Variants in SLC2A1 observed in about 807,000 individuals in gnomAD.
SLC2A1 encodes solute carrier family 2 member 1.
Under a neutral mutation model 46.6 loss-of-function variants are expected in SLC2A1, and 4 were observed. The observed-to-expected ratio is 0.09, with a 90% CI of 0.04 to 0.20. The LOEUF (loss-of-function observed/expected upper bound fraction) is 0.20. Ranked by LOEUF, SLC2A1 falls within the 10% of genes least tolerant of loss-of-function variation. SLC2A1 has a pLI of 1.00. For missense variants in SLC2A1, 352 were observed against 667.0 expected, an observed-to-expected ratio of 0.53 and a Z score of 5.20; for synonymous variants, 253 against 270.0, an observed-to-expected ratio of 0.94 and a Z score of 0.62.
intron 1 of SLC2A1, among the ~76,000 whole-genome samples, chr1:42,955,025 G>T (rs1643758775): frequency 6.6e-6 from 1 of 152,206 alleles, no homozygotes; most frequent in Admixed American, 6.5e-5. Context: ...CTACTAGGAA[G>T]AATGGGTTAG....
Position 42,958,191 on chromosome 1 carries a change from G to C in SLC2A1, c.18+443C>G, listed in dbSNP as rs1196669638. On this transcript the variant is annotated intron_variant, in intron 1 of 9. Coordinates refer to ENST00000426263, the MANE Select transcript of SLC2A1 (RefSeq NM_006516.4). ...GCTCCTGACTCCTCCGCGCGCCGGG[G>C]CCGGGGCCGGGCCGGGGGCTCGGCC... is the stretch of plus-strand genomic sequence containing the variant. Among the ~76,000 whole-genome samples, 3 of 151,828 alleles carry C rather than the reference G, an allele frequency of 2.0e-5. No individual in the cohort carries two copies. In the East Asian group the frequency reaches 5.8e-4, roughly 29 times the overall value.
Position 42,927,878 on chromosome 1 carries a change from T to C in SLC2A1, c.1075-70A>G. On this transcript the variant is annotated intron_variant, in intron 8 of 9. Transcript: ENST00000426263. The surrounding 1 kb of genome is among the most constrained non-coding windows in gnomAD (Gnocchi z 5.3). ...ATGGATCCTCAGGGGAAACAGAAGC[T>C]ACAGAGGCCAGAGCAGAGCTATGCG... is the stretch of plus-strand genomic sequence containing the variant. 1.7e-6 allele frequency: 2 copies of C among 1,203,724 alleles called. No individual in the cohort carries two copies. Among genetic ancestry groups the C allele is most frequent in the Non-Finnish European group, 2.4e-6 (2 of 832,250 alleles). 74.6% of individuals were successfully genotyped at this position (1,203,724 alleles called of 1,614,324 possible). A position where few individuals can be genotyped will look rare whatever the true frequency, so the allele number is the denominator to read the frequency against.
chr1:42,929,538 A>C lies in SLC2A1; in HGVS notation c.867+55T>G, dbSNP rs1643464662. ...CAAGTTTGGGACTTGTTCACCATGC[A>C]CACTTGACCAGAGGGCTTGGCTGGG... On this transcript the variant is annotated intron_variant, in intron 6 of 9. Transcript: ENST00000426263. The surrounding 1 kb of genome is among the most constrained non-coding windows in gnomAD (Gnocchi z 6.0). 1.3e-6 allele frequency: 2 copies of C among 1,525,058 alleles called. No homozygotes were observed. The highest frequency in any genetic ancestry group is 1.7e-5 in the Admixed American group (1 of 59,356). 94.5% of individuals were successfully genotyped at this position (1,525,058 alleles called of 1,614,324 possible).
At chr1:42,935,157 A>AG (rs1178187709) in intron 2 of SLC2A1, among the ~76,000 whole-genome samples, 1 of 152,090 alleles carries the variant, frequency 6.6e-6, no homozygotes, top group Non-Finnish European at 1.5e-5. Context: ...CCTAGAGCTG[A>AG]GGGGCTACTA....
chr1:42,946,675 A>G (rs2086857), intron 1 of SLC2A1, among the ~76,000 whole-genome samples: 77,144 of 151,950 alleles, frequency 0.51, 23,026 homozygotes, highest in Non-Finnish European at 0.68. Context: ...ATGTGCAAGG[A>G]GAAGAAATGG....
chr1:42,937,919 T>G (rs151324624), intron 2 of SLC2A1, among the ~76,000 whole-genome samples: 166 of 152,344 alleles, frequency 1.1e-3, no homozygotes, highest in Non-Finnish European at 1.5e-3. Context: ...CTCACCAAGC[T>G]GGGTCATCCT....
At chr1:42,942,267 T>C (rs909791521) in intron 2 of SLC2A1, among the ~76,000 whole-genome samples, 14 of 152,234 alleles carry the variant, frequency 9.2e-5, no homozygotes, top group African/African-American at 3.4e-4. Flanking sequence ...CTTTGTGACC[T>C]TGGGCCTGTC....
intron 2 of SLC2A1, among the ~76,000 whole-genome samples, chr1:42,938,899 G>A (rs990744601): frequency 1.3e-5 from 2 of 152,200 alleles, no homozygotes; most frequent in Non-Finnish European, 2.9e-5. Context: ...GCACCTTGAA[G>A]CCCTCTGTTA....
intron 1 of SLC2A1, among the ~76,000 whole-genome samples, chr1:42,957,769 A>C (rs887109908): frequency 6.6e-6 from 1 of 152,156 alleles, no homozygotes; most frequent in African/African-American, 2.4e-5. Context: ...GTTGGTCCCC[A>C]GAGTCCCCAT....
rs1317454207 is a variant in SLC2A1 at position 42,927,592 on chromosome 1, T to C, written c.1278+13A>G. The C allele has an allele frequency of 6.9e-7, 1 of 1,447,170 alleles. No individual in the cohort carries two copies. Among genetic ancestry groups the C allele is most frequent in the African/African-American group, 1.7e-5 (1 of 57,808 alleles). 89.6% of individuals were successfully genotyped at this position (1,447,170 alleles called of 1,614,324 possible). Reference sequence around the variant, plus strand: ...TGCGTGCGGGTGAGTATAGAGACAGTGGGGGTTCTCACCTCCACATACTGG... The same window carrying C: ...TGCGTGCGGGTGAGTATAGAGACAGCGGGGGTTCTCACCTCCACATACTGG... On this transcript the variant is annotated intron_variant, in intron 9 of 9. Transcript: ENST00000426263. This position sits in a 1 kb window ranked among gnomAD's most constrained non-coding sequence, Gnocchi z 5.3.
chr1:42,927,303 T>G lies in SLC2A1; in HGVS notation c.1279-62A>C. 3 of 1,499,958 alleles carry G rather than the reference T, an allele frequency of 2.0e-6. No homozygotes were observed. The highest frequency in any genetic ancestry group is 2.8e-6 in the Non-Finnish European group (3 of 1,079,516). The allele number at this position is 1,499,958 out of a possible 1,614,324, so 92.9% of individuals were successfully genotyped here. ...ACCCTACATCCTGGCTGTAGGACTT[T>G]GGATAAGTCACTTTACCTTTGGGCC... On this transcript the variant is annotated intron_variant, in intron 9 of 9. Coordinates refer to ENST00000426263, the MANE Select transcript of SLC2A1 (RefSeq NM_006516.4). This position sits in a 1 kb window ranked among gnomAD's most constrained non-coding sequence, Gnocchi z 5.3.
intron 1 of SLC2A1, chr1:42,951,866 T>A (rs1643724775): frequency 2.5e-6 from 1 of 401,178 alleles, no homozygotes; most frequent in East Asian, 3.6e-5. Flanking sequence ...AGAGACTTTA[T>A]ATAGCTGGGA....
At chr1:42,948,896 C>T (rs1368730976) in intron 1 of SLC2A1, among the ~76,000 whole-genome samples, 1 of 151,894 alleles carries the variant, frequency 6.6e-6, no homozygotes, top group Non-Finnish European at 1.5e-5. Context: ...AACCCCGTTT[C>T]TACTAAAAAT....
At position 42,945,031 on chromosome 1, in the gene SLC2A1, G is replaced by A. The variant is rs960492303; in HGVS notation, c.19-1710C>T. Among the ~76,000 whole-genome samples the A allele has an allele frequency of 2.0e-5, 3 of 152,158 alleles. No homozygotes were observed. The East Asian group carries it at 5.8e-4, about 29-fold the overall frequency. On this transcript the variant is annotated intron_variant, in intron 1 of 9. Coordinates refer to ENST00000426263, the MANE Select transcript of SLC2A1 (RefSeq NM_006516.4). ...GGACCCCAGCGACACACCAGGTCAA[G>A]CCTAATTCATAGGGTGGACACTAAT...
chr1:42,951,081 C>CA (rs1401811903), intron 1 of SLC2A1, among the ~76,000 whole-genome samples: 13 of 152,302 alleles, frequency 8.5e-5, no homozygotes, highest in Admixed American at 7.2e-4. Context: ...TGCATGCTCC[C>CA]AACACTCTTC....
At chr1:42,931,015 C>G (rs764679318) in intron 3 of SLC2A1, 31 bp downstream of exon 3, 1 of 1,613,590 alleles carries the variant, frequency 6.2e-7, no homozygotes, top group Admixed American at 1.7e-5. Context: ...ATGGGCCCTC[C>G]AAGGGCAGTG....
intron 1 of SLC2A1, 93 bp downstream of exon 1, chr1:42,958,541 A>C: frequency 9.1e-7 from 1 of 1,101,696 alleles, no homozygotes. Flanking sequence ...CGCACAGCGC[A>C]GCGGGGCGGC....
At chr1:42,945,447 T>C (rs1310827391) in intron 1 of SLC2A1, among the ~76,000 whole-genome samples, 6 of 149,778 alleles carry the variant, frequency 4.0e-5, no homozygotes, top group Non-Finnish European at 7.4e-5. Flanking sequence ...AAAAATTGGC[T>C]GGGGGTAGGG....
chr1:42,926,636 G>A lies in SLC2A1; in HGVS notation c.*405C>T. The A allele has an allele frequency of 8.6e-7, 1 of 1,167,536 alleles. No individual in the cohort carries two copies. Among genetic ancestry groups the A allele is most frequent in the South Asian group, 1.3e-5 (1 of 76,868 alleles). 72.3% of individuals were successfully genotyped at this position (1,167,536 alleles called of 1,614,324 possible). A position where few individuals can be genotyped will look rare whatever the true frequency, so the allele number is the denominator to read the frequency against. On this transcript the variant is annotated 3_prime_UTR_variant, in exon 10 of 10. Transcript: ENST00000426263. ...CTTTGTAGTTCATAGTTCGATTAGT[G>A]TGTCCTTAGGACATAGGTCCAGCCC...
Sources: gnomAD v4.1 joint callset for allele counts (sites outside exome capture counted in the v4.1 genomes callset) on GRCh38, gnomAD v4.1.1 for gene constraint, Gnocchi (gnomAD v3.1) non-coding constraint, MANE v1.5 for transcripts, NCBI Gene and HGNC (gene_info 2026-07-23, HGNC 2026-07-21) for gene names.